The following DLG2 variants were observed in gnomAD, a reference collection of about 807,000 sequenced individuals.
DLG2 encodes discs large MAGUK scaffold protein 2.
Under a neutral mutation model 132.5 loss-of-function variants are expected in DLG2, and 45 were observed. The observed-to-expected ratio is 0.34, with a 90% confidence interval of 0.27 to 0.44. DLG2 has a LOEUF of 0.44. Among genes scored for constraint, DLG2 ranks in the 20% least tolerant of loss-of-function variants. The pLI is 1.00. For synonymous variants in DLG2, 424 were observed against 419.6 expected, an observed-to-expected ratio of 1.01 and a Z score of -0.13; for missense variants, 1,045 against 1,196.9, an observed-to-expected ratio of 0.87 and a Z score of 1.87.
At chr11:83,506,235 C>T (rs751807985) in intron 21 of DLG2, among the ~76,000 whole-genome samples, 2 of 152,182 alleles carry the variant, frequency 1.3e-5, no homozygotes, top group Non-Finnish European at 2.9e-5. Context: ...TTCAGCTAAA[C>T]AAGCAAACAA....
chr11:85,225,040 G>A (rs2074891695), intron 4 of DLG2, among the ~76,000 whole-genome samples: 1 of 150,218 alleles, frequency 6.7e-6, no homozygotes, highest in African/African-American at 2.4e-5. Context: ...TATCTTAGGT[G>A]TTTGAAATAT....
intron 4 of DLG2, among the ~76,000 whole-genome samples, chr11:85,277,239 T>G (rs927286092): frequency 5.3e-5 from 8 of 152,192 alleles, no homozygotes; most frequent in African/African-American, 1.9e-4. Context: ...AAATCCTGAC[T>G]ATGAAGACCA....
intron 3 of DLG2, among the ~76,000 whole-genome samples, chr11:85,413,755 C>T (rs781726819): frequency 1.3e-5 from 2 of 151,980 alleles, no homozygotes; most frequent in Admixed American, 6.6e-5. Context: ...TTCCATTGGT[C>T]TGTGTGCCTA....
chr11:84,314,199 A>C (rs903575273), intron 7 of DLG2, among the ~76,000 whole-genome samples: 14 of 152,228 alleles, frequency 9.2e-5, no homozygotes, highest in Non-Finnish European at 1.9e-4. Context: ...ACTCTCTGGC[A>C]CATTCTGTAC....
intron 6 of DLG2, among the ~76,000 whole-genome samples, chr11:84,715,979 AC>A (rs1335629373): frequency 1.3e-5 from 2 of 152,108 alleles, no homozygotes; most frequent in Non-Finnish European, 2.9e-5. Flanking sequence ...ACATTTAGAA[AC>A]CTTCACACTG....
chr11:85,211,215 AAAT>A (rs754286519), intron 4 of DLG2, among the ~76,000 whole-genome samples: 30 of 152,136 alleles, frequency 2.0e-4, no homozygotes, highest in Non-Finnish European at 4.1e-4. Context: ...TTGTGAAAGA[AAAT>A]AATGAGTGTC....
intron 9 of DLG2, among the ~76,000 whole-genome samples, chr11:84,136,842 A>T (rs910544602): frequency 1.3e-5 from 2 of 152,160 alleles, no homozygotes; most frequent in Non-Finnish European, 2.9e-5. Flanking sequence ...CTGGGAGCTG[A>T]AAGATCTATT....
intron 6 of DLG2, among the ~76,000 whole-genome samples, chr11:84,707,261 C>T (rs115587264): frequency 1.5e-3 from 235 of 151,884 alleles, no homozygotes; most frequent in African/African-American, 5.3e-3. Flanking sequence ...CCCAGAACAT[C>T]TACCACCTAA....
At chr11:84,891,700 C>T (rs1298244036) in intron 6 of DLG2, among the ~76,000 whole-genome samples, 1 of 152,092 alleles carries the variant, frequency 6.6e-6, no homozygotes, top group East Asian at 1.9e-4. Flanking sequence ...TGGGCAGATT[C>T]CCATAGTAAA....
intron 3 of DLG2, among the ~76,000 whole-genome samples, chr11:85,323,943 T>G (rs531336766): frequency 6.6e-6 from 1 of 152,202 alleles, no homozygotes; most frequent in African/African-American, 2.4e-5. Context: ...GGCTCAGCCC[T>G]CCTGTCACTT....
chr11:83,845,920 T>C (rs57384748), intron 16 of DLG2, among the ~76,000 whole-genome samples: 2,785 of 152,334 alleles, frequency 0.018, 82 homozygotes, highest in African/African-American at 0.062. Context: ...ATAAAAATAC[T>C]AGAATCACAC....
rs550034227 is a variant in DLG2, at chr11:85,108,248, C to A, written c.357+3413G>T. On this transcript the variant is annotated intron_variant, in intron 6 of 27. Coordinates refer to ENST00000376104, the MANE Select transcript of DLG2 (RefSeq NM_001142699.3). ...AGGATACAATCATTCCAGAGTAGAA[C>A]AACAAAGAGCAAGAATAGGACAGTG... Among the ~76,000 whole-genome samples the A allele has an allele frequency of 4.0e-5, 6 of 151,878 alleles. No individual in the cohort carries two copies. In the East Asian group the frequency reaches 1.2e-3, roughly 29 times the overall value.
intron 19 of DLG2, among the ~76,000 whole-genome samples, chr11:83,609,915 A>C (rs142780008): frequency 1.1e-4 from 17 of 152,220 alleles, no homozygotes; most frequent in Non-Finnish European, 2.1e-4. Flanking sequence ...CTCTCTCTGT[A>C]GGACATGTGG....
intron 3 of DLG2, among the ~76,000 whole-genome samples, chr11:85,408,238 A>G (rs2088956668): frequency 6.7e-6 from 1 of 150,280 alleles, no homozygotes. Flanking sequence ...TTCAAAATAC[A>G]GAGTTTAATC....
At chr11:84,978,813 TGG>T (rs2055303686) in intron 6 of DLG2, among the ~76,000 whole-genome samples, 1 of 151,906 alleles carries the variant, frequency 6.6e-6, no homozygotes, top group African/African-American at 2.4e-5. Flanking sequence ...AATTGACAAA[TGG>T]GATCTAATTA....
At position 84,929,544 on chromosome 11, in the gene DLG2, T is replaced by C. The variant is rs2047852775; in HGVS notation, c.357+182117A>G. 2.0e-5 allele frequency among the ~76,000 whole-genome samples: 3 copies of C among 152,086 alleles called. No homozygotes were observed. The South Asian group carries it at 6.2e-4, about 31-fold the overall frequency. On this transcript the variant is annotated intron_variant, in intron 6 of 27. Transcript: ENST00000376104. ...ACAGATGCAGGTATATTGAATTGGC[T>C]ACACAAAGCTTAAAAGCAGCACTGC...
rs556148455 is a variant in DLG2, at chr11:84,866,438, ACT to A, written c.357+245221_357+245222del. Among the ~76,000 whole-genome samples the A allele has an allele frequency of 3.7e-3, 565 of 152,328 alleles. 3 individuals are homozygous for A. The highest frequency in any genetic ancestry group is 0.013 in the African/African-American group (554 of 41,580). On this transcript the variant is annotated intron_variant, in intron 6 of 27. Transcript: ENST00000376104. ...TTATCATTGGTACAAGCAATGTTACACTGAGGGAAGGCAATGACTTGCAGAAA... is the reference window on the plus strand; with the variant it reads ...TTATCATTGGTACAAGCAATGTTACAGAGGGAAGGCAATGACTTGCAGAAA...
chr11:84,721,307 C>A (rs1423082685), intron 6 of DLG2, among the ~76,000 whole-genome samples: 1 of 152,150 alleles, frequency 6.6e-6, no homozygotes, highest in Admixed American at 6.5e-5. Context: ...GTTCAGCGAG[C>A]CTACTCACTC....
intron 3 of DLG2, among the ~76,000 whole-genome samples, chr11:85,463,057 T>A (rs574462154): frequency 6.6e-6 from 1 of 152,278 alleles, no homozygotes; most frequent in Admixed American, 6.5e-5. Flanking sequence ...TACCAGAACC[T>A]TGATCATGGA....
Sources: gnomAD v4.1 joint callset for allele counts (sites outside exome capture counted in the v4.1 genomes callset) on GRCh38, gnomAD v4.1.1 for gene constraint, MANE v1.5 for transcripts, NCBI Gene and HGNC (gene_info 2026-07-23, HGNC 2026-07-21) for gene names.